ASAP1: variants seen among roughly 807,000 people sequenced by gnomAD.
The protein encoded by ASAP1 is arf-GAP with SH3 domain, ANK repeat and PH domain-containing protein 1.
A neutral mutation model predicts 145.2 loss-of-function variants in ASAP1; 43 were observed. The observed-to-expected ratio is 0.30, with a 90% CI of 0.23 to 0.38. ASAP1 has a LOEUF of 0.38. Among genes scored for constraint, ASAP1 ranks in the 10% least tolerant of loss-of-function variants. ASAP1 has a pLI of 1.00. For synonymous variants in ASAP1, 546 were observed against 515.5 expected (o/e 1.06, Z -0.80); for missense variants, 1,018 against 1,355.3 (o/e 0.75, Z 3.91).
At chr8:130,278,029 C>A (rs939319791) in intron 3 of ASAP1, among the ~76,000 whole-genome samples, 1 of 151,550 alleles carries the variant, frequency 6.6e-6, no homozygotes. Context: ...GATTTATTTC[C>A]CTGTGCCATG....
At chr8:130,215,235 T>C (rs1187778904) in intron 4 of ASAP1, among the ~76,000 whole-genome samples, 2 of 152,164 alleles carry the variant, frequency 1.3e-5, no homozygotes, top group South Asian at 2.1e-4. Context: ...AGCTCATTTA[T>C]AGTCCAGTTA....
At chr8:130,159,344 C>T (rs938799166) in intron 12 of ASAP1, among the ~76,000 whole-genome samples, 37 of 151,878 alleles carry the variant, frequency 2.4e-4, no homozygotes, top group African/African-American at 8.4e-4. Context: ...GTAGAGGGGC[C>T]GGGCACGGTG....
At chr8:130,146,802 G>C (rs2097632026) in intron 13 of ASAP1, among the ~76,000 whole-genome samples, 1 of 152,198 alleles carries the variant, frequency 6.6e-6, no homozygotes, top group Non-Finnish European at 1.5e-5. Context: ...TCTTGCTTTA[G>C]TGAAATGCCA....
At chr8:130,315,735 T>TA (rs779487137) in intron 3 of ASAP1, among the ~76,000 whole-genome samples, 15 of 152,276 alleles carry the variant, frequency 9.9e-5, no homozygotes, top group Non-Finnish European at 1.5e-4. Context: ...GAATGACTAT[T>TA]ACAGTGTATG....
chr8:130,364,071 A>T (rs1257243703), intron 2 of ASAP1, among the ~76,000 whole-genome samples: 1 of 152,206 alleles, frequency 6.6e-6, no homozygotes, highest in Non-Finnish European at 1.5e-5. Flanking sequence ...ATAATTAAAA[A>T]AAGCCAATTC....
At chr8:130,282,273 C>G (rs1046431063) in intron 3 of ASAP1, among the ~76,000 whole-genome samples, 7 of 152,064 alleles carry the variant, frequency 4.6e-5, no homozygotes, top group African/African-American at 1.7e-4. Context: ...CACTATTTCC[C>G]TACTTATTTT....
chr8:130,400,102 G>A (rs1205437066), intron 2 of ASAP1, among the ~76,000 whole-genome samples: 1 of 152,150 alleles, frequency 6.6e-6, no homozygotes, highest in Non-Finnish European at 1.5e-5. Context: ...TTACAGGCGT[G>A]AGCCATCGCG....
At chr8:130,357,261 G>C (rs1826375479) in intron 3 of ASAP1, among the ~76,000 whole-genome samples, 1 of 151,860 alleles carries the variant, frequency 6.6e-6, no homozygotes, top group Non-Finnish European at 1.5e-5. Flanking sequence ...CTGTCTGACT[G>C]TCGCCTCGGG....
At chr8:130,065,722 G>C (rs1373969182) in intron 27 of ASAP1, among the ~76,000 whole-genome samples, 5 of 152,176 alleles carry the variant, frequency 3.3e-5, no homozygotes, top group African/African-American at 7.2e-5. Context: ...TTATAAAACA[G>C]TTACAGCAAT....
At chr8:130,319,149 G>A (rs1044346515) in intron 3 of ASAP1, among the ~76,000 whole-genome samples, 2 of 152,176 alleles carry the variant, frequency 1.3e-5, no homozygotes, top group Admixed American at 6.5e-5. Context: ...AGCTAGTTGA[G>A]CACCTTGGTG....
rs1438182616 is a variant in ASAP1 at position 130,109,034 on chromosome 8, CAA to C, written c.2401+3058_2401+3059del. On this transcript the variant is annotated intron_variant, in intron 24 of 29. Coordinates refer to ENST00000518721, the MANE Select transcript of ASAP1 (RefSeq NM_018482.4). ...AGGTGATCCGGCCACCTCGGTCTCC[CAA>C]AGTGTTGGGATTATAGGCGTAAGCC... 7.2e-5 allele frequency among the ~76,000 whole-genome samples: 11 copies of C among 152,144 alleles called. No homozygotes were observed. In the East Asian group the frequency reaches 2.1e-3, roughly 29 times the overall value.
chr8:130,080,096 A>T, intron 25 of ASAP1, 125 bp from the exon 26 acceptor site: 1 of 809,358 alleles, frequency 1.2e-6, no homozygotes, highest in East Asian at 2.5e-5. Context: ...GACCCAAGCC[A>T]AAACGGCATG....
Position 130,214,622 on chromosome 8 carries a change from G to A in ASAP1, c.339C>T (p.Asp113=). ...GSNFLSRDNP[D]LGTAFVKFST... is the part of the protein sequence containing the mutation. ...AAAACTTGACAAACGCGGTGCCAAG[G>A]TCGGGGTTGTCTCGACTTAAAAAAT... The change falls in exon 5 of 30, where the codon GAC becomes GAT. Residue 113 remains aspartate (D), a synonymous_variant. Coordinates refer to ENST00000518721, the MANE Select transcript of ASAP1 (RefSeq NM_018482.4). 1.2e-6 allele frequency: 2 copies of A among 1,612,978 alleles called. No homozygotes were observed. The highest frequency in any genetic ancestry group is 1.7e-6 in the Non-Finnish European group (2 of 1,179,360).
At chr8:130,202,135 T>C (rs1815907660) in intron 5 of ASAP1, among the ~76,000 whole-genome samples, 1 of 152,138 alleles carries the variant, frequency 6.6e-6, no homozygotes, top group South Asian at 2.1e-4. Flanking sequence ...CTTATTTCAC[T>C]TAATCCTCAT....
intron 7 of ASAP1, among the ~76,000 whole-genome samples, chr8:130,184,289 G>C (rs1390807186): frequency 1.3e-5 from 2 of 152,184 alleles, no homozygotes; most frequent in Non-Finnish European, 2.9e-5. Context: ...CTATGCAAGG[G>C]AATGTAATCC....
At chr8:130,300,184 A>AGAGCGCGAGC (rs1554876476) in intron 3 of ASAP1, among the ~76,000 whole-genome samples, 9 of 140,286 alleles carry the variant, frequency 6.4e-5, no homozygotes, top group African/African-American at 2.2e-4. Context: ...AGAGAGAGAG[A>AGAGCGCGAGC]GAGCGAGCGA....
intron 3 of ASAP1, among the ~76,000 whole-genome samples, chr8:130,335,644 T>C (rs1824985877): frequency 6.6e-6 from 1 of 152,228 alleles, no homozygotes; most frequent in African/African-American, 2.4e-5. Context: ...AGGCAGATTC[T>C]GGGCCTGACT....
chr8:130,175,355 G>C (rs953540707), intron 9 of ASAP1, among the ~76,000 whole-genome samples: 5 of 152,028 alleles, frequency 3.3e-5, no homozygotes, highest in African/African-American at 7.2e-5. Context: ...CAAGTAGCTG[G>C]GAAAATAGGC....
At position 130,080,476 on chromosome 8, in the gene ASAP1, CTCTT is replaced by C. The variant is rs1487154803; in HGVS notation, c.2573-509_2573-506del. 7.6e-4 allele frequency among the ~76,000 whole-genome samples: 106 copies of C among 138,732 alleles called. 2 individuals carry two copies. The highest frequency in any genetic ancestry group is 7.3e-4 in the Non-Finnish European group (46 of 62,762). The allele number at this position is 138,732 out of a possible 152,430, so 91.0% of individuals were successfully genotyped here. A position where few individuals can be genotyped will look rare whatever the true frequency, so the allele number is the denominator to read the frequency against. On this transcript the variant is annotated intron_variant, in intron 25 of 29. Coordinates refer to ENST00000518721, the MANE Select transcript of ASAP1 (RefSeq NM_018482.4). ...CTTACTGACTCGTCATTCATTCTCT[CTCTT>C]TTTTTTTTTTTTTTTGAGACAGTCT...
Sources: allele counts gnomAD v4.1 joint callset (sites outside exome capture counted in the v4.1 genomes callset), GRCh38; gene constraint gnomAD v4.1.1; transcripts MANE v1.5; gene names NCBI Gene and HGNC (gene_info 2026-07-23, HGNC 2026-07-21).